Variants in PAIP1 observed in about 807,000 individuals in gnomAD.
PAIP1 encodes the protein poly(A) binding protein interacting protein 1, also known as polyadenylate-binding protein-interacting protein 1.
Under a neutral mutation model 61.3 loss-of-function variants are expected in PAIP1, and 16 were observed. The ratio of observed to expected loss-of-function variants is 0.26; its 90% CI spans 0.18 to 0.40. The LOEUF is 0.40. PAIP1 is among the 10% of genes least tolerant of loss of function. The pLI is 1.00. For missense variants in PAIP1, 416 were observed against 600.9 expected, an observed-to-expected ratio of 0.69 and a Z score of 3.22; for synonymous variants, 187 against 226.2, an observed-to-expected ratio of 0.83 and a Z score of 1.56.
At chr5:43,535,676 A>G in intron 6 of PAIP1, 36 bp from the exon 7 acceptor site, 1 of 1,073,236 alleles carries the variant, frequency 9.3e-7, no homozygotes, top group Non-Finnish European at 1.4e-6. Flanking sequence ...AAGAAATTCA[A>G]TAGTGTATTA....
chr5:43,547,328 C>T (rs1177094764), intron 3 of PAIP1, among the ~76,000 whole-genome samples: 1 of 152,016 alleles, frequency 6.6e-6, no homozygotes, highest in Non-Finnish European at 1.5e-5. Flanking sequence ...CAATTCAACA[C>T]ATAGGGGAAA....
intron 2 of PAIP1, among the ~76,000 whole-genome samples, chr5:43,553,994 G>A (rs1747963852): frequency 6.6e-6 from 1 of 152,174 alleles, no homozygotes; most frequent in African/African-American, 2.4e-5. Context: ...CAGGGCTAGA[G>A]AAGACACCTG....
intron 4 of PAIP1, among the ~76,000 whole-genome samples, chr5:43,540,910 G>T (rs1747374351): frequency 6.6e-6 from 1 of 152,022 alleles, no homozygotes; most frequent in African/African-American, 2.4e-5. Context: ...AAGTATCTAG[G>T]TAACTCTAAG....
intron 2 of PAIP1, among the ~76,000 whole-genome samples, chr5:43,552,295 G>A (rs1005832521): frequency 1.3e-5 from 2 of 152,104 alleles, no homozygotes; most frequent in African/African-American, 4.8e-5. Flanking sequence ...GAAGAGATTC[G>A]CATGAGATAA....
chr5:43,529,415 T>A (rs1402412434), intron 10 of PAIP1, among the ~76,000 whole-genome samples: 3 of 152,172 alleles, frequency 2.0e-5, no homozygotes, highest in African/African-American at 7.2e-5. Flanking sequence ...ATGCCTTTTT[T>A]TTTTTTGAGA....
At chr5:43,531,650 CTG>C (rs1746934469) in intron 9 of PAIP1, among the ~76,000 whole-genome samples, 1 of 29,892 alleles carries the variant, frequency 3.3e-5, no homozygotes, top group Non-Finnish European at 7.7e-5. Context: ...GAGTGAGACT[CTG>C]TCTCAAAAAA....
intron 1 of PAIP1, 81 bp downstream of exon 1, chr5:43,556,501 C>G: frequency 5.0e-6 from 6 of 1,210,046 alleles, no homozygotes; most frequent in Non-Finnish European, 6.2e-6. Context: ...CCGCAGACAG[C>G]GCGTCGGGCC....
intron 3 of PAIP1, among the ~76,000 whole-genome samples, chr5:43,543,324 A>AAG (rs1304053790): frequency 2.0e-5 from 3 of 151,680 alleles, no homozygotes; most frequent in Non-Finnish European, 4.4e-5. Context: ...AAAAAAAAAA[A>AAG]AAAGAAAAAA....
At chr5:43,539,218 T>G (rs879012788) in intron 4 of PAIP1, among the ~76,000 whole-genome samples, 183 bp from the exon 5 acceptor site, 1 of 152,140 alleles carries the variant, frequency 6.6e-6, no homozygotes, top group Non-Finnish European at 1.5e-5. Context: ...CATCTTTTCA[T>G]ACTAAGTCTC....
At position 43,556,810 on chromosome 5, in the gene PAIP1, G is replaced by A. The variant is rs1241817342; in HGVS notation, c.37C>T (p.Arg13Trp). The change falls in exon 1 of 11, where the codon CGG (arginine) becomes TGG (tryptophan). Residue 13 changes from arginine (R) to tryptophan (W), a missense_variant. Physicochemically the swap from Arg to Trp is moderately radical, Grantham distance 101. Transcript: ENST00000306846. Reference sequence around the variant, plus strand: ...CGGCCCAGGCCCCGGCTCCGGCCCCGACCAGCACCTGGGGCCCGATCGAAA... The same window carrying A: ...CGGCCCAGGCCCCGGCTCCGGCCCCAACCAGCACCTGGGGCCCGATCGAAA... ...DGFDRAPGAG[R>W]GRSRGLGRGG... is the part of the protein sequence containing the mutation. 6 of 1,452,586 alleles carry A rather than the reference G, an allele frequency of 4.1e-6. No individual in the cohort carries two copies. The African/African-American group carries it at 4.5e-5, about 11-fold the overall frequency. 90.0% of individuals were successfully genotyped at this position (1,452,586 alleles called of 1,614,324 possible).
intron 7 of PAIP1, 114 bp downstream of exon 7, chr5:43,535,420 A>G (rs749637434): frequency 2.4e-5 from 16 of 664,214 alleles, no homozygotes; most frequent in Middle Eastern, 3.9e-4. Flanking sequence ...GCATTTTTGT[A>G]TATCCGTTAG....
chr5:43,555,549 T>G (rs1483960698), intron 2 of PAIP1, among the ~76,000 whole-genome samples: 1 of 152,226 alleles, frequency 6.6e-6, no homozygotes, highest in African/African-American at 2.4e-5. Context: ...ATACAATAAT[T>G]AGGATCAAAA....
At position 43,543,132 on chromosome 5, in the gene PAIP1, A is replaced by T; in HGVS notation, c.622-16T>A. 2.3e-6 allele frequency: 3 copies of T among 1,287,678 alleles called. No homozygotes were observed. The highest frequency in any genetic ancestry group is 3.4e-6 in the Non-Finnish European group (3 of 884,876). The allele number at this position is 1,287,678 out of a possible 1,614,324, so 79.8% of individuals were successfully genotyped here. A position where few individuals can be genotyped will look rare whatever the true frequency, so the allele number is the denominator to read the frequency against. Reference sequence around the variant, plus strand: ...TAGATGTGGCCTTTTAAAAAGAAGAAAAGTGTTATATGACATAGGTACATC... The same window carrying T: ...TAGATGTGGCCTTTTAAAAAGAAGATAAGTGTTATATGACATAGGTACATC... On this transcript the variant is annotated splice_polypyrimidine_tract_variant and intron_variant, in intron 3 of 10. Coordinates refer to ENST00000306846, the MANE Select transcript of PAIP1 (RefSeq NM_006451.5).
At position 43,557,077 on chromosome 5, in the gene PAIP1, C is replaced by T. The variant is rs776510007; in HGVS notation, c.-231G>A. ...CCCCGCTCGGCTACCCTCGGCTTTCCAGTTCTCCCCCAAAACCCGGCTCCC... is the reference window on the plus strand; with the variant it reads ...CCCCGCTCGGCTACCCTCGGCTTTCTAGTTCTCCCCCAAAACCCGGCTCCC... On this transcript the variant is annotated 5_prime_UTR_variant, in exon 1 of 11. Coordinates refer to ENST00000306846, the MANE Select transcript of PAIP1 (RefSeq NM_006451.5). The T allele has an allele frequency of 1.9e-4, 142 of 762,280 alleles. No individual in the cohort carries two copies. Among genetic ancestry groups the T allele is most frequent in the Non-Finnish European group, 2.5e-4 (138 of 561,710 alleles). The allele number at this position is 762,280 out of a possible 1,614,324, so 47.2% of individuals were successfully genotyped here. A position where few individuals can be genotyped will look rare whatever the true frequency, so the allele number is the denominator to read the frequency against.
chr5:43,536,731 T>C, intron 6 of PAIP1, 88 bp downstream of exon 6: 2 of 591,458 alleles, frequency 3.4e-6, no homozygotes, highest in Non-Finnish European at 5.7e-6. Context: ...GTGATAAATC[T>C]TGAATTCATC....
intron 2 of PAIP1, among the ~76,000 whole-genome samples, chr5:43,552,322 G>A (rs1261339680): frequency 1.3e-5 from 2 of 152,186 alleles, no homozygotes; most frequent in Admixed American, 1.3e-4. Flanking sequence ...CTTACACTGT[G>A]TATAGATTTT....
chr5:43,555,832 T>G lies in PAIP1; in HGVS notation c.433A>C (p.Thr145Pro), dbSNP rs370971947. The change falls in exon 2 of 11, where the codon ACA becomes CCA. Residue 145 changes from threonine to proline, a missense_variant and splice_region_variant. Around this residue, in one of 4 missense-constraint regions of PAIP1, gnomAD observed 180 missense variants for 211.2 expected, o/e 0.85. Coordinates refer to ENST00000306846, the MANE Select transcript of PAIP1 (RefSeq NM_006451.5). ...TGTAGGAAAAAGGGTGTACTTACTG[T>G]GTAACTGGAAGAATAACCTGAAGGG... ...FYPSGYSSSY[T>P]ESYEDGCEDY... 1.7e-5 allele frequency: 27 copies of G among 1,608,520 alleles called. No homozygotes were observed. The highest frequency in any genetic ancestry group is 2.7e-5 in the African/African-American group (2 of 74,678).
At chr5:43,528,553 A>G (rs1466582249) in intron 10 of PAIP1, among the ~76,000 whole-genome samples, 1 of 152,186 alleles carries the variant, frequency 6.6e-6, no homozygotes, top group African/African-American at 2.4e-5. Context: ...CGGTATACCC[A>G]AGTAGATGGA....
intron 10 of PAIP1, among the ~76,000 whole-genome samples, chr5:43,528,723 C>A (rs1328039814): frequency 2.0e-5 from 3 of 151,764 alleles, no homozygotes; most frequent in East Asian, 3.9e-4. Context: ...TTAAAAAAAT[C>A]TACAACACAG....
Sources: gnomAD v4.1 joint callset for allele counts (sites outside exome capture counted in the v4.1 genomes callset) on GRCh38, gnomAD v4.1.1 for gene constraint, gnomAD v4.1.1 regional missense constraint, MANE v1.5 for transcripts, NCBI Gene and HGNC (gene_info 2026-07-23, HGNC 2026-07-21) for gene names.